Variants in TAFA1 observed in about 807,000 individuals in gnomAD.
TAFA1 encodes the protein chemokine-like protein TAFA-1.
Under a neutral mutation model 18.5 loss-of-function variants are expected in TAFA1, and 4 were observed. That is an observed-to-expected ratio of 0.22 (90% CI 0.11 to 0.49). TAFA1 has a LOEUF of 0.49. TAFA1 is among the 20% of genes least tolerant of loss of function. The pLI, the probability that TAFA1 is intolerant of heterozygous loss-of-function variation, is 0.98. For synonymous variants in TAFA1, 56 were observed against 55.2 expected (o/e 1.01, Z -0.06); for missense variants, 147 against 169.0 (o/e 0.87, Z 0.72).
intron 2 of TAFA1, among the ~76,000 whole-genome samples, chr3:68,394,395 C>T (rs538470129): frequency 6.6e-6 from 1 of 152,080 alleles, no homozygotes; most frequent in South Asian, 2.1e-4. Flanking sequence ...TTTATAGATT[C>T]AATGCTATCC....
chr3:68,379,679 A>G (rs531460382), intron 2 of TAFA1, among the ~76,000 whole-genome samples: 82 of 149,072 alleles, frequency 5.5e-4, no homozygotes, highest in African/African-American at 1.9e-3. Flanking sequence ...CAGGGTTTTT[A>G]CAGTTTGGGT....
At chr3:68,225,196 C>T (rs2066782685) in intron 2 of TAFA1, among the ~76,000 whole-genome samples, 1 of 151,958 alleles carries the variant, frequency 6.6e-6, no homozygotes, top group Non-Finnish European at 1.5e-5. Flanking sequence ...GCATGAGCCA[C>T]CACACCTGGC....
chr3:68,489,121 G>A (rs1020307849), intron 3 of TAFA1, among the ~76,000 whole-genome samples: 1 of 152,178 alleles, frequency 6.6e-6, no homozygotes, highest in Non-Finnish European at 1.5e-5. Flanking sequence ...AAGAGTTGCA[G>A]TTTTTAACTC....
At chr3:68,035,075 C>T (rs986677435) in intron 2 of TAFA1, among the ~76,000 whole-genome samples, 1 of 152,170 alleles carries the variant, frequency 6.6e-6, no homozygotes, top group Non-Finnish European at 1.5e-5. Context: ...CATGTCACCA[C>T]TTTGGCCTTT....
chr3:68,368,927 T>C (rs1313292160), intron 2 of TAFA1, among the ~76,000 whole-genome samples: 2 of 152,226 alleles, frequency 1.3e-5, no homozygotes, highest in Non-Finnish European at 2.9e-5. Context: ...TAGTAGGTTC[T>C]GGACTAGTGG....
intron 2 of TAFA1, among the ~76,000 whole-genome samples, chr3:68,202,690 A>AATT (rs1170574478): frequency 6.6e-6 from 1 of 151,636 alleles, no homozygotes; most frequent in African/African-American, 2.4e-5. Context: ...AAACAATACT[A>AATT]ATTTCTTCCT....
chr3:68,219,987 A>G (rs2066709962), intron 2 of TAFA1, among the ~76,000 whole-genome samples: 1 of 152,200 alleles, frequency 6.6e-6, no homozygotes, highest in Non-Finnish European at 1.5e-5. Flanking sequence ...ATCAGTAATC[A>G]ATACAAAAGA....
intron 2 of TAFA1, among the ~76,000 whole-genome samples, chr3:68,328,882 A>T (rs570601842): frequency 5.9e-5 from 9 of 152,268 alleles, no homozygotes; most frequent in African/African-American, 2.2e-4. Context: ...GACTAGTGGT[A>T]AACCAAGAGG....
chr3:68,260,017 G>T (rs1227481405), intron 2 of TAFA1, among the ~76,000 whole-genome samples: 1 of 152,138 alleles, frequency 6.6e-6, no homozygotes, highest in Non-Finnish European at 1.5e-5. Context: ...TCTTGTGCCA[G>T]TTTCCAAAGG....
At chr3:68,266,191 C>T (rs973890) in intron 2 of TAFA1, among the ~76,000 whole-genome samples, 2,203 of 152,174 alleles carry the variant, frequency 0.014, 54 homozygotes, top group African/African-American at 0.05. Flanking sequence ...TCTCATGTAG[C>T]GCGCTTTAAT....
At chr3:68,032,737 G>A (rs1704962968) in intron 2 of TAFA1, among the ~76,000 whole-genome samples, 1 of 151,966 alleles carries the variant, frequency 6.6e-6, no homozygotes, top group Non-Finnish European at 1.5e-5. Flanking sequence ...GCCGTTTCTT[G>A]TACAGAAATC....
chr3:68,325,503 T>C (rs1169444389), intron 2 of TAFA1, among the ~76,000 whole-genome samples: 1 of 152,158 alleles, frequency 6.6e-6, no homozygotes, highest in Non-Finnish European at 1.5e-5. Context: ...TCAGTGCATG[T>C]TTGTATCTAC....
At chr3:68,424,108 G>T (rs531529465) in intron 3 of TAFA1, among the ~76,000 whole-genome samples, 2 of 151,972 alleles carry the variant, frequency 1.3e-5, no homozygotes, top group Non-Finnish European at 2.9e-5. Flanking sequence ...TTAATACAAT[G>T]AAAAAGTCAT....
intron 2 of TAFA1, among the ~76,000 whole-genome samples, chr3:68,387,240 T>G (rs774593663): frequency 1.3e-5 from 2 of 152,064 alleles, no homozygotes; most frequent in Non-Finnish European, 2.9e-5. Context: ...TCAGTGATAA[T>G]TAGGTTTCTC....
chr3:68,235,983 C>T lies in TAFA1; in HGVS notation c.119-181297C>T, dbSNP rs190955303. Among the ~76,000 whole-genome samples the T allele has an allele frequency of 1.6e-4, 24 of 152,230 alleles. No individual in the cohort carries two copies. The East Asian group carries it at 2.1e-3, about 13-fold the overall frequency. ...TCCACCAAGAGGTGCTCTAAATATT[C>T]CTTATTTGTTTAAGCTGATTTGAGT... On this transcript the variant is annotated intron_variant, in intron 2 of 4. Coordinates refer to ENST00000478136, the MANE Select transcript of TAFA1 (RefSeq NM_213609.4).
intron 2 of TAFA1, among the ~76,000 whole-genome samples, chr3:68,160,645 G>A (rs926886873): frequency 6.6e-6 from 1 of 152,180 alleles, no homozygotes. Context: ...ATAGCACCTA[G>A]CACTTAATCA....
chr3:68,436,508 T>C (rs1286878076), intron 3 of TAFA1, among the ~76,000 whole-genome samples: 1 of 152,000 alleles, frequency 6.6e-6, no homozygotes, highest in African/African-American at 2.4e-5. Context: ...GAGTAATAGG[T>C]AAAAAACTTA....
intron 2 of TAFA1, among the ~76,000 whole-genome samples, chr3:68,088,484 G>A (rs978108898): frequency 2.0e-5 from 3 of 152,198 alleles, no homozygotes; most frequent in African/African-American, 7.2e-5. Context: ...GACCTTTGGA[G>A]GTCATCAAAT....
chr3:68,285,834 G>C (rs1309329395), intron 2 of TAFA1, among the ~76,000 whole-genome samples: 1 of 152,158 alleles, frequency 6.6e-6, no homozygotes, highest in East Asian at 1.9e-4. Flanking sequence ...AACAACGTGA[G>C]AGCAAAGATA....
Sources: allele counts gnomAD v4.1 joint callset (sites outside exome capture counted in the v4.1 genomes callset), GRCh38; gene constraint gnomAD v4.1.1; transcripts MANE v1.5; gene names NCBI Gene and HGNC (gene_info 2026-07-23, HGNC 2026-07-21).